Variants in MAST4 observed in about 807,000 individuals in gnomAD.
The protein encoded by MAST4 is microtubule associated serine/threonine kinase family member 4.
A neutral mutation model predicts 162.7 loss-of-function variants in MAST4; 89 were observed. That is an observed-to-expected ratio of 0.55 (90% confidence interval 0.46 to 0.65). The LOEUF is 0.65. Ranked by LOEUF, MAST4 falls within the 30% of genes least tolerant of loss-of-function variation. MAST4 has a pLI of 0.00. For missense variants in MAST4, 3,153 were observed against 3,374.0 expected (o/e 0.93, Z 1.62); for synonymous variants, 1,479 against 1,361.1 (o/e 1.09, Z -1.91).
chr5:66,819,333 A>C (rs1756880480), intron 3 of MAST4, among the ~76,000 whole-genome samples: 1 of 152,220 alleles, frequency 6.6e-6, no homozygotes, highest in Admixed American at 6.5e-5. Context: ...AATATTGGTG[A>C]AAGTCACCAG....
chr5:67,003,454 T>C (rs1297960073), intron 4 of MAST4, among the ~76,000 whole-genome samples: 1 of 152,186 alleles, frequency 6.6e-6, no homozygotes, highest in Admixed American at 6.5e-5. Context: ...TTACCCCGCC[T>C]ACCTTGTCAG....
intron 3 of MAST4, among the ~76,000 whole-genome samples, chr5:66,816,325 G>T (rs1756718559): frequency 6.6e-6 from 1 of 151,990 alleles, no homozygotes; most frequent in South Asian, 2.1e-4. Context: ...GAAGCCAAAA[G>T]ACTGGGCACC....
At chr5:67,087,853 A>G (rs1291316199) in intron 5 of MAST4, among the ~76,000 whole-genome samples, 1 of 152,202 alleles carries the variant, frequency 6.6e-6, no homozygotes, top group Non-Finnish European at 1.5e-5. Context: ...CTTGAAGTTG[A>G]AGATGTGGGA....
At chr5:66,685,601 G>A (rs1748605676) in intron 1 of MAST4, among the ~76,000 whole-genome samples, 1 of 152,072 alleles carries the variant, frequency 6.6e-6, no homozygotes, top group South Asian at 2.1e-4. Context: ...CAGAATGGTA[G>A]TGATTAAGTA....
At chr5:66,808,331 C>T (rs1365781188) in intron 3 of MAST4, among the ~76,000 whole-genome samples, 2 of 152,210 alleles carry the variant, frequency 1.3e-5, no homozygotes, top group Non-Finnish European at 2.9e-5. Context: ...ATGCCCTGTG[C>T]AGGCTGGGCA....
At chr5:67,158,312 CAAAAT>C (rs978995457) in intron 26 of MAST4, among the ~76,000 whole-genome samples, 1 of 152,104 alleles carries the variant, frequency 6.6e-6, no homozygotes, top group African/African-American at 2.4e-5. Flanking sequence ...CGATAGAAAA[CAAAAT>C]AAACTTTTTT....
chr5:66,716,745 C>A (rs1232927509), intron 1 of MAST4, among the ~76,000 whole-genome samples: 1 of 152,116 alleles, frequency 6.6e-6, no homozygotes, highest in Non-Finnish European at 1.5e-5. Context: ...CTGACCTGGA[C>A]AGGTAGGGCT....
At chr5:66,749,915 T>C (rs1426141123) in intron 1 of MAST4, among the ~76,000 whole-genome samples, 1 of 152,218 alleles carries the variant, frequency 6.6e-6, no homozygotes, top group African/African-American at 2.4e-5. Context: ...TAGGCTTCGG[T>C]TTAAAAGTAG....
At chr5:66,941,417 G>T (rs553727533) in intron 4 of MAST4, among the ~76,000 whole-genome samples, 2 of 152,202 alleles carry the variant, frequency 1.3e-5, no homozygotes, top group African/African-American at 4.8e-5. Flanking sequence ...TATGGAGATG[G>T]CGTCTTTCCT....
At chr5:66,918,970 G>A (rs554591512) in intron 4 of MAST4, among the ~76,000 whole-genome samples, 54 of 152,218 alleles carry the variant, frequency 3.5e-4, no homozygotes, top group African/African-American at 1.3e-3. Context: ...GGGCATGGTG[G>A]CACGTGCCTG....
At chr5:66,686,325 CTATTAT>C (rs146782861) in intron 1 of MAST4, among the ~76,000 whole-genome samples, 1 of 151,848 alleles carries the variant, frequency 6.6e-6, no homozygotes, top group Non-Finnish European at 1.5e-5. Flanking sequence ...GTAGTTATTA[CTATTAT>C]TATTATTATT....
intron 23 of MAST4, among the ~76,000 whole-genome samples, chr5:67,145,858 G>A (rs1463079380): frequency 6.6e-6 from 1 of 152,158 alleles, no homozygotes; most frequent in Non-Finnish European, 1.5e-5. Context: ...GCATTGAAAT[G>A]GATGGTTGTT....
rs1764671838 is a variant in MAST4, at chr5:66,923,370, T to C, written c.674+23388T>C. ...ACGTTAATATTGGGGAATCTCACTC[T>C]CCCATCTTCAAGGGTCAGCCGAAGA... is the stretch of plus-strand genomic sequence containing the variant. On this transcript the variant is annotated intron_variant, in intron 4 of 28. Coordinates refer to ENST00000403625, the MANE Select transcript of MAST4 (RefSeq NM_001164664.2). Among the ~76,000 whole-genome samples, 3 of 152,160 alleles carry C rather than the reference T, an allele frequency of 2.0e-5. No individual in the cohort carries two copies. The South Asian group carries it at 6.2e-4, about 32-fold the overall frequency.
intron 4 of MAST4, among the ~76,000 whole-genome samples, chr5:67,000,756 A>C (rs949841138): frequency 7.1e-6 from 1 of 141,334 alleles, no homozygotes; most frequent in Non-Finnish European, 1.5e-5. Context: ...CTAAAAAAAA[A>C]GGGGGGGGGT....
Position 67,163,774 on chromosome 5 carries a change from TGAAGGCCAAGGTGGTGGTGAA to T in MAST4, c.4599_4619del (p.Lys1535_Ala1541del), listed in dbSNP as rs760909198. The stretch of plus-strand genomic sequence containing the variant: ...GTGGACGACCTGGACCGCGACAAGC[TGAAGGCCAAGGTGGTGGTGAA>T]GAAAGCAGACGGCTTCCCAGAGAAA... On this transcript the variant is annotated inframe_deletion, in exon 29 of 29. Transcript: ENST00000403625. The surrounding 1 kb of genome is among the most constrained non-coding windows in gnomAD (Gnocchi z 7.0). The T allele has an allele frequency of 1.8e-5, 29 of 1,610,932 alleles. No homozygotes were observed. Among genetic ancestry groups the T allele is most frequent in the Admixed American group, 3.4e-5 (2 of 59,528 alleles).
intron 3 of MAST4, among the ~76,000 whole-genome samples, chr5:66,889,876 T>C (rs976125125): frequency 6.6e-6 from 1 of 152,248 alleles, no homozygotes; most frequent in African/African-American, 2.4e-5. Context: ...AGTTAAAGTT[T>C]ATGAAGGATG....
intron 4 of MAST4, among the ~76,000 whole-genome samples, chr5:67,025,075 G>GT (rs1024661382): frequency 2.0e-4 from 31 of 152,050 alleles, no homozygotes; most frequent in African/African-American, 6.7e-4. Flanking sequence ...TACCTGTTTT[G>GT]TTTTTTTATT....
Position 66,973,797 on chromosome 5 carries a change from G to T in MAST4, c.674+73815G>T, listed in dbSNP as rs375408575. Among the ~76,000 whole-genome samples the T allele has an allele frequency of 8.5e-5, 13 of 152,272 alleles. No homozygotes were observed. In the East Asian group the frequency reaches 9.6e-4, roughly 11 times the overall value. On this transcript the variant is annotated intron_variant, in intron 4 of 28. Coordinates refer to ENST00000403625, the MANE Select transcript of MAST4 (RefSeq NM_001164664.2). ...CTTTCTCTCCCTTCATTTTTAGGAA[G>T]ATTGACTCATACATTTTTCTATAGA...
intron 1 of MAST4, among the ~76,000 whole-genome samples, chr5:66,713,365 G>C (rs1270617453): frequency 1.3e-5 from 2 of 152,196 alleles, no homozygotes; most frequent in Non-Finnish European, 2.9e-5. Context: ...TAGAATATGA[G>C]TAGAAGAAGC....
Sources: allele counts gnomAD v4.1 joint callset (sites outside exome capture counted in the v4.1 genomes callset), GRCh38; gene constraint gnomAD v4.1.1; non-coding constraint Gnocchi (gnomAD v3.1); transcripts MANE v1.5; gene names NCBI Gene and HGNC (gene_info 2026-07-23, HGNC 2026-07-21).